The following ZFYVE28 variants were observed in gnomAD, a reference collection of about 807,000 sequenced individuals.
The protein encoded by ZFYVE28 is lateral signaling target protein 2 homolog.
A neutral mutation model predicts 82.1 loss-of-function variants in ZFYVE28; 40 were observed. The observed-to-expected ratio is 0.49, with a 90% CI of 0.38 to 0.63. The LOEUF (loss-of-function observed/expected upper bound fraction) is 0.63, where lower values mean the gene tolerates loss of function less well. Among genes scored for constraint, ZFYVE28 ranks in the 30% least tolerant of loss-of-function variants. The probability of loss-of-function intolerance (pLI) is 0.00; values close to 1 mark genes in which losing one functional copy is unlikely to be tolerated. For synonymous variants in ZFYVE28, 612 were observed against 546.1 expected (o/e 1.12, Z -1.68); for missense variants, 1,321 against 1,242.1 (o/e 1.06, Z -0.96).
rs1721622258 is a variant in ZFYVE28, at chr4:2,335,953, G to T, written c.612-159C>A. Among the ~76,000 whole-genome samples the T allele has an allele frequency of 6.6e-6, 1 of 152,210 alleles. No individual in the cohort carries two copies. The highest frequency in any genetic ancestry group is 2.4e-5 in the African/African-American group (1 of 41,456). On this transcript the variant is annotated intron_variant, in intron 5 of 12. Transcript: ENST00000290974. The surrounding 1 kb of genome is among the most constrained non-coding windows in gnomAD (Gnocchi z 5.8). ...CATGCCACCCCCAGTCCTCATATGT[G>T]CAAGGGGCTGGGACTGCAGGAAAAG...
intron 8 of ZFYVE28, among the ~76,000 whole-genome samples, chr4:2,303,887 C>T (rs1461033390): frequency 6.6e-6 from 1 of 152,232 alleles, no homozygotes; most frequent in Non-Finnish European, 1.5e-5. Context: ...TCGGATGCGG[C>T]TCAGGGCAAG....
At chr4:2,327,271 T>TCGA (rs1381932035) in intron 6 of ZFYVE28, among the ~76,000 whole-genome samples, 2 of 23,496 alleles carry the variant, frequency 8.5e-5, no homozygotes, top group African/African-American at 1.8e-4. Flanking sequence ...TATATATATA[T>TCGA]ATATATATAT....
Position 2,305,032 on chromosome 4 carries a change from T to G in ZFYVE28, c.1308A>C (p.Lys436Asn). ...AGSTWADPQE[K>N]GQGGPGGAAG... ...CCGCTCCGCCTGGCCCACCCTGCCC[T>G]TTCTCCTGGGGGTCGGCCCAGGTAC... The change falls in exon 8 of 13, where the codon AAA (lysine) becomes AAC (asparagine). Residue 436 changes from lysine (K) to asparagine (N), a missense_variant. This residue lies in a region of ZFYVE28 where 978 missense variants were observed against 833.7 expected (regional missense o/e 1.17). Transcript: ENST00000290974. 6.2e-7 allele frequency: 1 copy of G among 1,612,702 alleles called. No homozygotes were observed. Among genetic ancestry groups the G allele is most frequent in the Non-Finnish European group, 8.5e-7 (1 of 1,179,860 alleles).
At chr4:2,390,356 G>T (rs7673371) in intron 1 of ZFYVE28, among the ~76,000 whole-genome samples, 10,586 of 152,176 alleles carry the variant, frequency 0.07, 1,131 homozygotes, top group African/African-American at 0.23. Context: ...TGGTCAAGCC[G>T]CTCTGTTTGT....
chr4:2,352,315 G>A (rs890878829), intron 2 of ZFYVE28, among the ~76,000 whole-genome samples: 1 of 151,932 alleles, frequency 6.6e-6, no homozygotes, highest in Non-Finnish European at 1.5e-5. Context: ...GGAGCAGGAT[G>A]AGGCCGCCAT....
At chr4:2,313,623 C>T (rs667296) in intron 7 of ZFYVE28, among the ~76,000 whole-genome samples, 121,714 of 151,992 alleles carry the variant, frequency 0.8, 49,585 homozygotes, top group African/African-American at 0.94. Context: ...CCCAGCACTT[C>T]GGGAGGCCGA....
At chr4:2,390,421 G>A (rs772741853) in intron 1 of ZFYVE28, among the ~76,000 whole-genome samples, 2 of 152,160 alleles carry the variant, frequency 1.3e-5, no homozygotes, top group South Asian at 2.1e-4. Flanking sequence ...CCACCACAGG[G>A]AGCCCCGTGT....
rs529307758 is a variant in ZFYVE28, at chr4:2,346,700, AATT to A, written c.181-5088_181-5086del. On this transcript the variant is annotated intron_variant, in intron 2 of 12. Transcript: ENST00000290974. Reference sequence around the variant, plus strand: ...TTTGAAGGTATCTGTAATTAAAGACAATTATTATAAACCCTAAAGCAACCACTA... The same window carrying A: ...TTTGAAGGTATCTGTAATTAAAGACAATTATAAACCCTAAAGCAACCACTA... 2.6e-3 allele frequency among the ~76,000 whole-genome samples: 401 copies of A among 152,304 alleles called. 1 individual carries two copies. Among genetic ancestry groups the A allele is most frequent in the African/African-American group, 9.3e-3 (385 of 41,566 alleles).
At chr4:2,308,679 G>GAAAA (rs1560182445) in intron 7 of ZFYVE28, among the ~76,000 whole-genome samples, 1 of 32,846 alleles carries the variant, frequency 3.0e-5, no homozygotes, top group African/African-American at 1.5e-4. Flanking sequence ...GAAAGAAAGA[G>GAAAA]AAAGAAAGAA....
intron 1 of ZFYVE28, among the ~76,000 whole-genome samples, chr4:2,377,828 T>C (rs1163180964): frequency 2.0e-5 from 3 of 152,232 alleles, no homozygotes; most frequent in Admixed American, 2.0e-4. Flanking sequence ...CAGAACGGTG[T>C]TGTCAATTGA....
intron 8 of ZFYVE28, chr4:2,295,511 T>G (rs1002202267): frequency 1.3e-5 from 2 of 152,270 alleles, no homozygotes; most frequent in Admixed American, 6.6e-5. Flanking sequence ...TTCACCGCCA[T>G]GCTCACGTTA....
At chr4:2,389,977 G>A (rs1392899390) in intron 1 of ZFYVE28, among the ~76,000 whole-genome samples, 1 of 152,212 alleles carries the variant, frequency 6.6e-6, no homozygotes, top group African/African-American at 2.4e-5. Flanking sequence ...GAATGCTATT[G>A]TGGGTTGAAT....
chr4:2,305,604 G>A, intron 7 of ZFYVE28, 68 bp from the exon 8 acceptor site: 1 of 1,583,136 alleles, frequency 6.3e-7, no homozygotes, highest in Non-Finnish European at 8.6e-7. Context: ...GGCCAGGAGT[G>A]GACGCAGCAC....
chr4:2,342,026 T>C (rs1447061285), intron 2 of ZFYVE28, among the ~76,000 whole-genome samples: 1 of 152,188 alleles, frequency 6.6e-6, no homozygotes, highest in African/African-American at 2.4e-5. Flanking sequence ...GCAGGAGCCA[T>C]GGGCTCAGAC....
chr4:2,307,877 A>C (rs1003526276), intron 7 of ZFYVE28, among the ~76,000 whole-genome samples: 3 of 152,224 alleles, frequency 2.0e-5, no homozygotes, highest in African/African-American at 7.2e-5. Context: ...CCCAGACACT[A>C]ATAGATAACC....
chr4:2,333,917 T>C (rs1465660093), intron 6 of ZFYVE28, among the ~76,000 whole-genome samples: 1 of 152,154 alleles, frequency 6.6e-6, no homozygotes, highest in Admixed American at 6.5e-5. Context: ...AAAAACAATG[T>C]CACCAAATCC....
intron 1 of ZFYVE28, among the ~76,000 whole-genome samples, chr4:2,384,535 A>T (rs1329502883): frequency 6.6e-6 from 1 of 152,004 alleles, no homozygotes; most frequent in Non-Finnish European, 1.5e-5. Context: ...GAACGAGAGG[A>T]GGGGAAGGGA....
chr4:2,279,511 G>A (rs1489373090), intron 8 of ZFYVE28, among the ~76,000 whole-genome samples: 1 of 152,118 alleles, frequency 6.6e-6, no homozygotes, highest in Non-Finnish European at 1.5e-5. Flanking sequence ...CGGGTGCAGT[G>A]GCTCACACCT....
intron 1 of ZFYVE28, among the ~76,000 whole-genome samples, chr4:2,414,466 G>T (rs1732830298): frequency 6.6e-6 from 1 of 152,180 alleles, no homozygotes; most frequent in African/African-American, 2.4e-5. Context: ...GATTTATAAG[G>T]AATGTTCTCC....
Sources: allele counts gnomAD v4.1 joint callset (sites outside exome capture counted in the v4.1 genomes callset), GRCh38; gene constraint gnomAD v4.1.1; regional missense constraint gnomAD v4.1.1; non-coding constraint Gnocchi (gnomAD v3.1); transcripts MANE v1.5; gene names NCBI Gene and HGNC (gene_info 2026-07-23, HGNC 2026-07-21).